Variants in CNIH3 observed in about 807,000 individuals in gnomAD.
CNIH3 encodes protein cornichon homolog 3.
CNIH3 carries 14 observed loss-of-function variants against 24.1 expected under a neutral mutation model. The observed-to-expected ratio is 0.58, with a 90% CI of 0.38 to 0.91. The LOEUF (loss-of-function observed/expected upper bound fraction) is 0.91, where lower values mean the gene tolerates loss of function less well. CNIH3 is among the 40% of genes least tolerant of loss of function. CNIH3 has a pLI of 0.00. For missense variants in CNIH3, 178 were observed against 196.8 expected (o/e 0.90, Z 0.57); for synonymous variants, 68 against 73.8 (o/e 0.92, Z 0.40).
At chr1:224,570,415 G>A (rs532941150) in intron 4 of CNIH3, among the ~76,000 whole-genome samples, 1 of 152,108 alleles carries the variant, frequency 6.6e-6, no homozygotes, top group Non-Finnish European at 1.5e-5. Context: ...GAGAACATGC[G>A]ATATTCGGTT....
intron 1 of CNIH3, among the ~76,000 whole-genome samples, chr1:224,479,985 C>T (rs1676742816): frequency 6.6e-6 from 1 of 152,218 alleles, no homozygotes; most frequent in Admixed American, 6.5e-5. Context: ...TTCGACCCCA[C>T]ATTTCCCTTC....
chr1:224,577,637 A>C (rs142813985), intron 4 of CNIH3, among the ~76,000 whole-genome samples: 9 of 152,220 alleles, frequency 5.9e-5, no homozygotes, highest in African/African-American at 2.2e-4. Flanking sequence ...TACAACCACT[A>C]TGGAAAACAG....
At chr1:224,464,802 T>G (rs915708023) in intron 1 of CNIH3, among the ~76,000 whole-genome samples, 1 of 152,164 alleles carries the variant, frequency 6.6e-6, no homozygotes, top group Non-Finnish European at 1.5e-5. Flanking sequence ...TTATTTCATT[T>G]TATTTTATTT....
intron 1 of CNIH3, among the ~76,000 whole-genome samples, chr1:224,467,066 C>G (rs773530494): frequency 6.6e-6 from 1 of 152,164 alleles, no homozygotes; most frequent in African/African-American, 2.4e-5. Flanking sequence ...CACTCTGTTA[C>G]CCATGCTGGA....
intron 3 of CNIH3, among the ~76,000 whole-genome samples, chr1:224,700,872 G>A (rs1323657210): frequency 6.6e-6 from 1 of 152,246 alleles, no homozygotes; most frequent in African/African-American, 2.4e-5. Context: ...AGCAGGCACA[G>A]AGTCAGGACA....
intron 3 of CNIH3, among the ~76,000 whole-genome samples, chr1:224,550,252 G>A (rs1189983453): frequency 1.3e-5 from 2 of 151,636 alleles, no homozygotes; most frequent in African/African-American, 2.4e-5. Flanking sequence ...ATAGAAAATA[G>A]GTGCGATGAT....
chr1:224,652,678 C>A (rs12038763), intron 1 of CNIH3, among the ~76,000 whole-genome samples: 1 of 152,156 alleles, frequency 6.6e-6, no homozygotes, highest in African/African-American at 2.4e-5. Flanking sequence ...ACCACATCAA[C>A]GTAGAAGGAG....
chr1:224,676,263 T>G (rs549127233), intron 1 of CNIH3, among the ~76,000 whole-genome samples: 2 of 152,168 alleles, frequency 1.3e-5, no homozygotes, highest in Non-Finnish European at 2.9e-5. Context: ...GCCTACATAC[T>G]GCGTGATTCC....
intron 3 of CNIH3, 157 bp from the exon 4 acceptor site, chr1:224,730,305 G>C (rs1177044659): frequency 1.6e-5 from 9 of 572,402 alleles, no homozygotes; most frequent in Non-Finnish European, 2.8e-5. Flanking sequence ...TACCAGAAAT[G>C]GATCTGTGTT....
chr1:224,738,711 C>T (rs912728028), intron 5 of CNIH3, among the ~76,000 whole-genome samples: 23 of 152,160 alleles, frequency 1.5e-4, no homozygotes, highest in African/African-American at 4.8e-4. Flanking sequence ...GTCCCCTTCA[C>T]CCCACTCTTA....
chr1:224,598,081 G>T (rs1364796107), intron 3 of CNIH3, among the ~76,000 whole-genome samples: 3 of 152,182 alleles, frequency 2.0e-5, no homozygotes, highest in African/African-American at 4.8e-5. Context: ...GAAACTTCCT[G>T]GAAAGGATTC....
upstream of CNIH3, chr1:224,615,467 T>C (rs1171572063): frequency 1.3e-5 from 2 of 152,196 alleles, no homozygotes; most frequent in Non-Finnish European, 2.9e-5. Context: ...TACCACTTAT[T>C]GAACGTATAC....
intron 3 of CNIH3, among the ~76,000 whole-genome samples, chr1:224,600,798 G>A (rs556284749): frequency 5.3e-5 from 8 of 152,308 alleles, no homozygotes; most frequent in African/African-American, 1.4e-4. Flanking sequence ...AAGGTTAAAC[G>A]GGGTCATAAG....
chr1:224,563,388 G>A (rs1029979234), intron 3 of CNIH3, among the ~76,000 whole-genome samples: 1 of 151,948 alleles, frequency 6.6e-6, no homozygotes, highest in Non-Finnish European at 1.5e-5. Flanking sequence ...GTAGAGCAAT[G>A]TAGAGAAGGA....
intron 1 of CNIH3, among the ~76,000 whole-genome samples, chr1:224,657,219 G>A (rs1032005436): frequency 6.6e-6 from 1 of 152,112 alleles, no homozygotes; most frequent in Admixed American, 6.6e-5. Flanking sequence ...TTCTAGGCCA[G>A]ACAGGAATGG....
rs1572678542 is a variant in CNIH3, at chr1:224,661,347, A to G, written c.82-19611A>G. On this transcript the variant is annotated intron_variant, in intron 1 of 5. Transcript: ENST00000272133. ...ATACACATTTGAAGTTGCCCATCCC[A>G]CTACCACCAAATGATGTGGAAGAGA... 1.7e-5 allele frequency: 5 copies of G among 286,930 alleles called. No homozygotes were observed. In the East Asian group the frequency reaches 4.9e-4, roughly 28 times the overall value. The allele number at this position is 286,930 out of a possible 1,614,324, so 17.8% of individuals were successfully genotyped here.
intron 4 of CNIH3, among the ~76,000 whole-genome samples, chr1:224,579,323 T>C (rs934560630): frequency 6.6e-6 from 1 of 152,200 alleles, no homozygotes; most frequent in Non-Finnish European, 1.5e-5. Context: ...TCTCAGCCCA[T>C]TGTATTTGAG....
intron 2 of CNIH3, among the ~76,000 whole-genome samples, chr1:224,546,350 GT>G (rs1369079275): frequency 6.6e-6 from 1 of 152,164 alleles, no homozygotes; most frequent in Non-Finnish European, 1.5e-5. Context: ...ATAGAACACA[GT>G]AAGATGCTGC....
At position 224,495,067 on chromosome 1, in the gene CNIH3, G is replaced by T. The variant is rs542367082; in HGVS notation, n.204-20674G>T. Reference sequence around the variant, plus strand: ...ATGCACACACACACACTCTCTACCAGTTCATGCCTTAGAGGCCTATCAGAA... The same window carrying T: ...ATGCACACACACACACTCTCTACCATTTCATGCCTTAGAGGCCTATCAGAA... On this transcript the variant is annotated intron_variant and non_coding_transcript_variant, in intron 1 of 5. Transcript: ENST00000471578. 4.6e-5 allele frequency among the ~76,000 whole-genome samples: 7 copies of T among 152,260 alleles called. No individual in the cohort carries two copies. The South Asian group carries it at 1.5e-3, about 32-fold the overall frequency.
Sources: allele counts gnomAD v4.1 joint callset (sites outside exome capture counted in the v4.1 genomes callset), GRCh38; gene constraint gnomAD v4.1.1; transcripts MANE v1.5; gene names NCBI Gene and HGNC (gene_info 2026-07-23, HGNC 2026-07-21).